LAMB4: variants seen among roughly 807,000 people sequenced by gnomAD.
LAMB4 encodes the protein laminin subunit beta-4.
In LAMB4, 196 loss-of-function variants were observed where a neutral mutation model predicts 199.2. The ratio of observed to expected loss-of-function variants is 0.98; its 90% CI spans 0.88 to 1.11. LAMB4 has a LOEUF of 1.11. Ranked by LOEUF, LAMB4 falls within the 50% of genes least tolerant of loss-of-function variation. LAMB4 has a pLI of 0.00. For synonymous variants in LAMB4, 744 were observed against 770.6 expected, an observed-to-expected ratio of 0.97 and a Z score of 0.57; for missense variants, 2,080 against 2,171.2, an observed-to-expected ratio of 0.96 and a Z score of 0.83.
At chr7:108,038,561 G>A (rs758819245) in intron 29 of LAMB4, among the ~76,000 whole-genome samples, 109 of 152,322 alleles carry the variant, frequency 7.2e-4, no homozygotes, top group Middle Eastern at 3.4e-3. Context: ...AAGCTTGTTC[G>A]ACCCACAGCC....
intron 14 of LAMB4, among the ~76,000 whole-genome samples, chr7:108,090,586 T>C (rs1204352648): frequency 1.3e-5 from 2 of 152,212 alleles, no homozygotes; most frequent in Non-Finnish European, 2.9e-5. Context: ...GATATTATTC[T>C]ATTTAATTGG....
chr7:108,098,515 T>C lies in LAMB4; in HGVS notation c.1248A>G (p.Leu416=), dbSNP rs760746803. The change falls in exon 11 of 34, where the codon TTA becomes TTG. Residue 416 remains leucine (L), a synonymous_variant. Transcript: ENST00000388781. ...GICVSHSDPA[L]GSVAGQCLCK... ...AAAGGCACTGGCCGGCCACAGACCCTAAGGCAGGATCAGAGTGGCTCACAC... is the reference window on the plus strand; with the variant it reads ...AAAGGCACTGGCCGGCCACAGACCCCAAGGCAGGATCAGAGTGGCTCACAC... The C allele has an allele frequency of 6.2e-7, 1 of 1,613,844 alleles. No individual in the cohort carries two copies. Among genetic ancestry groups the C allele is most frequent in the South Asian group, 1.1e-5 (1 of 91,062 alleles).
chr7:108,039,813 T>C (rs2035358875), intron 29 of LAMB4, among the ~76,000 whole-genome samples: 1 of 152,176 alleles, frequency 6.6e-6, no homozygotes, highest in African/African-American at 2.4e-5. Flanking sequence ...TACATCATAC[T>C]GAATGGGCAA....
intron 14 of LAMB4, among the ~76,000 whole-genome samples, chr7:108,082,908 A>T (rs1203922301): frequency 1.3e-5 from 2 of 152,150 alleles, no homozygotes; most frequent in Non-Finnish European, 2.9e-5. Flanking sequence ...CATTGGATGG[A>T]TCACTGGCAG....
intron 2 of LAMB4, among the ~76,000 whole-genome samples, chr7:108,122,253 T>A (rs1031684263): frequency 6.6e-6 from 1 of 152,170 alleles, no homozygotes; most frequent in African/African-American, 2.4e-5. Context: ...ATTGGTTTAG[T>A]TTCAAAGAGA....
At chr7:108,116,268 C>T (rs2038405619) in intron 2 of LAMB4, 107 bp from the exon 3 acceptor site, 1 of 1,080,850 alleles carries the variant, frequency 9.3e-7, no homozygotes, top group Non-Finnish European at 1.3e-6. Context: ...TTAATATTGG[C>T]CAAAGATGTA....
intron 1 of LAMB4, among the ~76,000 whole-genome samples, chr7:108,127,998 A>G (rs1037502959): frequency 6.6e-6 from 1 of 152,194 alleles, no homozygotes; most frequent in Non-Finnish European, 1.5e-5. Context: ...ATCCGGGAGT[A>G]GCCAACCTGA....
intron 12 of LAMB4, 88 bp downstream of exon 12, chr7:108,095,126 CAATAGGACAAGAAA>C: frequency 1.3e-6 from 1 of 794,606 alleles, no homozygotes; most frequent in Non-Finnish European, 2.1e-6. Flanking sequence ...TATTAAAACA[CAATAGGACAAGAAA>C]GAGATTAGCA....
In LAMB4 at chr7:108,107,636, C is replaced by T. The variant is rs1175710156; in HGVS notation, c.586G>A (p.Gly196Arg). ...KYSDIEPSTG[G>R]EVVLKVLDPS... ...TACAAGGAAGGAAATGCTACCTCTC[C>T]ACCTGTTGAGGGTTCAATATCCGAG... The change falls in exon 6 of 34, where the codon GGA (glycine) becomes AGA (arginine). Residue 196 changes from glycine (G) to arginine (R), a missense_variant. Gly to Arg is a moderately radical substitution (Grantham distance 125). Transcript: ENST00000388781. 1.3e-6 allele frequency: 2 copies of T among 1,595,900 alleles called. No individual in the cohort carries two copies. Among genetic ancestry groups the T allele is most frequent in the Non-Finnish European group, 1.7e-6 (2 of 1,173,558 alleles).
At chr7:108,037,300 G>A (rs2035263574) in intron 30 of LAMB4, 88 bp downstream of exon 30, 1 of 997,120 alleles carries the variant, frequency 1.0e-6, no homozygotes, top group Admixed American at 2.1e-5. Context: ...TCATTTGAAT[G>A]CTATAGATCC....
Position 108,056,011 on chromosome 7 carries a change from A to C in LAMB4, c.3380-4T>G. 1 of 1,599,116 alleles carries C rather than the reference A, an allele frequency of 6.3e-7. No individual in the cohort carries two copies. The highest frequency in any genetic ancestry group is 8.5e-7 in the Non-Finnish European group (1 of 1,171,586). ...CCTGCCCTGTTACAATCACATGCTAAAAAGGAAAACAGAAGGAGCAGAGAA... is the reference window on the plus strand; with the variant it reads ...CCTGCCCTGTTACAATCACATGCTACAAAGGAAAACAGAAGGAGCAGAGAA... On this transcript the variant is annotated splice_polypyrimidine_tract_variant and splice_region_variant and intron_variant, in intron 24 of 33. Transcript: ENST00000388781.
intron 28 of LAMB4, among the ~76,000 whole-genome samples, chr7:108,044,785 T>G (rs2035556152): frequency 6.6e-6 from 1 of 151,658 alleles, no homozygotes; most frequent in African/African-American, 2.4e-5. Context: ...AAACCCCATC[T>G]CTACTAAAAA....
At chr7:108,079,899 T>C (rs1331797336) in intron 14 of LAMB4, 113 bp from the exon 15 acceptor site, 1 of 682,304 alleles carries the variant, frequency 1.5e-6, no homozygotes, top group East Asian at 2.9e-5. Context: ...TGTATATGAT[T>C]CATATGAGTC....
intron 17 of LAMB4, among the ~76,000 whole-genome samples, chr7:108,072,312 G>T (rs879930933): frequency 6.6e-6 from 1 of 152,048 alleles, no homozygotes; most frequent in East Asian, 1.9e-4. Flanking sequence ...ACTTCATTGT[G>T]TCTTCTGGTG....
At chr7:108,023,541 A>C (rs1445509125), downstream of LAMB4, 1 of 152,226 alleles carries the variant, frequency 6.6e-6, no homozygotes, top group East Asian at 1.9e-4. Context: ...GTAGGTATAA[A>C]AGCAAGTTGC....
chr7:108,051,994 T>G (rs2035840998), intron 26 of LAMB4, 103 bp downstream of exon 26: 1 of 842,288 alleles, frequency 1.2e-6, no homozygotes, highest in Non-Finnish European at 1.8e-6. Context: ...TCTAAAGTGC[T>G]CAGGCACTAT....
Position 108,093,357 on chromosome 7 carries a change from G to C in LAMB4, c.1471-941C>G, listed in dbSNP as rs376957241. Reference sequence around the variant, plus strand: ...TGGGATTACAGGCATGAGCCACCAGGCTCGGCCGTGTAACTGCTTTTAAAA... The same window carrying C: ...TGGGATTACAGGCATGAGCCACCAGCCTCGGCCGTGTAACTGCTTTTAAAA... On this transcript the variant is annotated intron_variant, in intron 12 of 33. Transcript: ENST00000388781. Among the ~76,000 whole-genome samples, 61 of 152,220 alleles carry C rather than the reference G, an allele frequency of 4.0e-4. 1 individual carries two copies. The East Asian group carries it at 8.7e-3, about 22-fold the overall frequency.
intron 14 of LAMB4, among the ~76,000 whole-genome samples, chr7:108,089,938 C>T (rs1328021791): frequency 6.6e-6 from 1 of 152,156 alleles, no homozygotes; most frequent in Non-Finnish European, 1.5e-5. Flanking sequence ...GCTGGGGTTA[C>T]AGATGTGAGC....
At chr7:108,024,739 A>G (rs532751495) in intron 33 of LAMB4, among the ~76,000 whole-genome samples, 12 of 152,014 alleles carry the variant, frequency 7.9e-5, no homozygotes, top group East Asian at 3.9e-4. Flanking sequence ...CCATCCATCC[A>G]TCCGTCCGTC....
Sources: gnomAD v4.1 joint callset for allele counts (sites outside exome capture counted in the v4.1 genomes callset) on GRCh38, gnomAD v4.1.1 for gene constraint, MANE v1.5 for transcripts, NCBI Gene and HGNC (gene_info 2026-07-23, HGNC 2026-07-21) for gene names.